KLHL32: variants seen among roughly 807,000 people sequenced by gnomAD.
KLHL32 encodes the protein kelch-like protein 32.
Under a neutral mutation model 64.8 loss-of-function variants are expected in KLHL32, and 35 were observed. The ratio of observed to expected loss-of-function variants is 0.54; its 90% CI spans 0.41 to 0.72. KLHL32 has a LOEUF of 0.72. Ranked by LOEUF, KLHL32 falls within the 30% of genes least tolerant of loss-of-function variation. The pLI is 0.00. For synonymous variants in KLHL32, 259 were observed against 281.0 expected (o/e 0.92, Z 0.78); for missense variants, 589 against 768.5 (o/e 0.77, Z 2.76).
chr6:96,899,619 C>G, the KLHL32 span, among the ~76,000 whole-genome samples: 1 of 152,188 alleles, frequency 6.6e-6, no homozygotes, highest in African/African-American at 2.4e-5. Context: ...GATCCTGGCC[C>G]AGTGCTGCTC....
intron 4 of KLHL32, among the ~76,000 whole-genome samples, chr6:97,043,008 T>C (rs1785361793): frequency 6.6e-6 from 1 of 152,220 alleles, no homozygotes; most frequent in Admixed American, 6.5e-5. Context: ...TCCTTCCCAC[T>C]CTCGTGCTTC....
rs368689256 is a variant in KLHL32 at position 96,967,095 on chromosome 6, A to G, written c.23+12A>G. On this transcript the variant is annotated intron_variant, in intron 2 of 10. Coordinates refer to ENST00000369261, the MANE Select transcript of KLHL32 (RefSeq NM_052904.4). ...GAACGCTGCCTCAGGTATGCCCTGTAGGATATGTCCTCACATGCCGTAGTG... is the reference window on the plus strand; with the variant it reads ...GAACGCTGCCTCAGGTATGCCCTGTGGGATATGTCCTCACATGCCGTAGTG... The G allele has an allele frequency of 2.1e-4, 331 of 1,613,090 alleles. 1 individual carries two copies. Among genetic ancestry groups the G allele is most frequent in the Non-Finnish European group, 2.7e-4 (323 of 1,179,548 alleles).
intron 8 of KLHL32, among the ~76,000 whole-genome samples, chr6:97,129,153 G>C (rs773196495): frequency 2.8e-4 from 42 of 152,280 alleles, no homozygotes; most frequent in Non-Finnish European, 5.4e-4. Context: ...TTTCTTGAGT[G>C]TATCTTTAAA....
At chr6:97,085,018 C>G (rs1793175902) in intron 5 of KLHL32, 108 bp from the exon 6 acceptor site, 6 of 845,458 alleles carry the variant, frequency 7.1e-6, no homozygotes, top group Non-Finnish European at 3.8e-6. Context: ...TCCCATTTCT[C>G]CCACCACTGT....
At chr6:97,111,228 A>C (rs1797090403) in intron 6 of KLHL32, among the ~76,000 whole-genome samples, 1 of 152,218 alleles carries the variant, frequency 6.6e-6, no homozygotes, top group South Asian at 2.1e-4. Context: ...AAAGAGAGAG[A>C]TGGCAGTGTT....
chr6:97,079,332 T>C (rs1792114035), intron 5 of KLHL32, among the ~76,000 whole-genome samples: 1 of 152,192 alleles, frequency 6.6e-6, no homozygotes, highest in South Asian at 2.1e-4. Flanking sequence ...CTTCACTGGC[T>C]TGGGAAGGGT....
At chr6:96,932,342 A>G (rs1770014669) in intron 1 of KLHL32, among the ~76,000 whole-genome samples, 1 of 151,016 alleles carries the variant, frequency 6.6e-6, no homozygotes. Context: ...GGCCAAAGCT[A>G]TTTATCATTT....
At chr6:97,047,464 C>A (rs1582837821) in intron 4 of KLHL32, among the ~76,000 whole-genome samples, 2 of 152,088 alleles carry the variant, frequency 1.3e-5, no homozygotes, top group East Asian at 3.9e-4. Context: ...AGGTTGGAAG[C>A]AAATGGTGAC....
intron 3 of KLHL32, among the ~76,000 whole-genome samples, chr6:97,014,690 A>G (rs1357023463): frequency 6.6e-6 from 1 of 152,204 alleles, no homozygotes; most frequent in African/African-American, 2.4e-5. Context: ...TGTGTTCATG[A>G]AAACTGAGGC....
At chr6:96,999,464 A>G in intron 3 of KLHL32, 1 of 716,772 alleles carries the variant, frequency 1.4e-6, no homozygotes, top group Non-Finnish European at 1.7e-6. Context: ...CATCAATAAA[A>G]TAATTTATTT....
At chr6:96,997,429 T>C (rs1167653257) in intron 3 of KLHL32, among the ~76,000 whole-genome samples, 2 of 152,146 alleles carry the variant, frequency 1.3e-5, no homozygotes, top group Non-Finnish European at 2.9e-5. Flanking sequence ...TAGTTTGTCT[T>C]ATTTCCTCAG....
chr6:96,975,693 A>G (rs934721735), intron 2 of KLHL32, among the ~76,000 whole-genome samples: 3 of 152,202 alleles, frequency 2.0e-5, no homozygotes, highest in African/African-American at 7.2e-5. Flanking sequence ...ACCCAGAAAC[A>G]GAGGCTTGCA....
chr6:96,923,882 G>C (rs1768850121), upstream of KLHL32, among the ~76,000 whole-genome samples: 1 of 152,202 alleles, frequency 6.6e-6, no homozygotes, highest in South Asian at 2.1e-4. Context: ...TACCCACTTT[G>C]CTTTAGTGTG....
rs562728965 is a variant in KLHL32, at chr6:96,979,672, A to G, written c.204+3495A>G. Reference sequence around the variant, plus strand: ...TTTATGGTTCCATATGAATTTTAGAATAGGTTTTTTCTAATTCTGTGAAAA... The same window carrying G: ...TTTATGGTTCCATATGAATTTTAGAGTAGGTTTTTTCTAATTCTGTGAAAA... On this transcript the variant is annotated intron_variant, in intron 3 of 10. Transcript: ENST00000369261. Among the ~76,000 whole-genome samples the G allele has an allele frequency of 2.0e-5, 3 of 152,246 alleles. No homozygotes were observed. In the East Asian group the frequency reaches 5.8e-4, roughly 29 times the overall value.
intron 1 of KLHL32, among the ~76,000 whole-genome samples, chr6:96,931,483 A>G (rs28360625): frequency 0.13 from 19,966 of 152,258 alleles, 1,567 homozygotes; most frequent in East Asian, 0.26. Context: ...TTCATCATAC[A>G]ATGGATTATA....
At position 96,932,407 on chromosome 6, in the gene KLHL32, A is replaced by G. The variant is rs995630526; in HGVS notation, c.-66+7381A>G. Among the ~76,000 whole-genome samples the G allele has an allele frequency of 5.3e-5, 8 of 152,172 alleles. No individual in the cohort carries two copies. In the East Asian group the frequency reaches 7.7e-4, roughly 15 times the overall value. ...GGGGCCTCCTAATAGAGCAAAAGTC[A>G]TTTAAGAAACTCATGCACAGCCCTT... On this transcript the variant is annotated intron_variant, in intron 1 of 10. Coordinates refer to ENST00000369261, the MANE Select transcript of KLHL32 (RefSeq NM_052904.4).
chr6:97,102,949 G>GT (rs1414702505), intron 6 of KLHL32, among the ~76,000 whole-genome samples: 1 of 151,864 alleles, frequency 6.6e-6, no homozygotes, highest in Non-Finnish European at 1.5e-5. Context: ...ATTAAGCCTA[G>GT]TACTCAATAG....
chr6:97,015,931 G>A lies in KLHL32; in HGVS notation c.205-25561G>A, dbSNP rs531584919. 7.2e-5 allele frequency among the ~76,000 whole-genome samples: 11 copies of A among 152,304 alleles called. 1 individual carries two copies. In the South Asian group the frequency reaches 2.3e-3, roughly 32 times the overall value. ...GTACAGCTCAGACCATTGCTTCAGA[G>A]GGCACAAGCTCCAAGCCTTGGAGGC... On this transcript the variant is annotated intron_variant, in intron 3 of 10. Transcript: ENST00000369261.
intron 6 of KLHL32, among the ~76,000 whole-genome samples, chr6:97,104,451 T>G (rs2128200931): frequency 6.6e-6 from 1 of 152,304 alleles, no homozygotes; most frequent in Non-Finnish European, 1.5e-5. Flanking sequence ...ATAATAACAT[T>G]TACCAATCTT....
Sources: allele counts gnomAD v4.1 joint callset (sites outside exome capture counted in the v4.1 genomes callset), GRCh38; gene constraint gnomAD v4.1.1; transcripts MANE v1.5; gene names NCBI Gene and HGNC (gene_info 2026-07-23, HGNC 2026-07-21).